The following CTNNA2 variants were observed in gnomAD, a reference collection of about 807,000 sequenced individuals.
CTNNA2 encodes the protein catenin alpha 2, also known as catenin alpha-2.
A neutral mutation model predicts 101.0 loss-of-function variants in CTNNA2; 42 were observed. The observed-to-expected ratio is 0.42, with a 90% CI of 0.32 to 0.54. The LOEUF (loss-of-function observed/expected upper bound fraction) is 0.54. Ranked by LOEUF, CTNNA2 falls within the 20% of genes least tolerant of loss-of-function variation. The pLI is 0.14. For synonymous variants in CTNNA2, 450 were observed against 456.4 expected (o/e 0.99, Z 0.18); for missense variants, 871 against 1,223.1 (o/e 0.71, Z 4.29).
At chr2:80,094,674 T>A (rs1700029390) in intron 7 of CTNNA2, among the ~76,000 whole-genome samples, 3 of 152,306 alleles carry the variant, frequency 2.0e-5, no homozygotes, top group Non-Finnish European at 2.9e-5. Context: ...TATCCTCTTT[T>A]ATTTCATTGA....
At chr2:80,605,966 G>A (rs996954171) in intron 16 of CTNNA2, among the ~76,000 whole-genome samples, 4 of 151,596 alleles carry the variant, frequency 2.6e-5, no homozygotes, top group African/African-American at 9.7e-5. Flanking sequence ...GGTTTTTTTT[G>A]ACAGACTTCC....
intron 6 of CTNNA2, among the ~76,000 whole-genome samples, chr2:79,892,567 A>T (rs1226543106): frequency 6.6e-6 from 1 of 152,210 alleles, no homozygotes; most frequent in Non-Finnish European, 1.5e-5. Flanking sequence ...GTCAGTGTAA[A>T]TAATAAAACA....
intron 7 of CTNNA2, among the ~76,000 whole-genome samples, chr2:80,249,844 A>C (rs1247888625): frequency 6.6e-6 from 1 of 152,184 alleles, no homozygotes; most frequent in Non-Finnish European, 1.5e-5. Flanking sequence ...AAAATTCTTC[A>C]TCATTATTAT....
intron 7 of CTNNA2, among the ~76,000 whole-genome samples, chr2:79,935,686 C>T (rs1298075742): frequency 6.6e-6 from 1 of 152,184 alleles, no homozygotes; most frequent in Non-Finnish European, 1.5e-5. Context: ...ATGCATAAAT[C>T]TAACTGGGGT....
At chr2:79,948,658 G>A (rs116395966) in intron 7 of CTNNA2, among the ~76,000 whole-genome samples, 1,794 of 152,314 alleles carry the variant, frequency 0.012, 35 homozygotes, top group African/African-American at 0.041. Context: ...AAATATTAAT[G>A]ACTGTTCAAC....
At chr2:79,947,207 A>G (rs1688558482) in intron 7 of CTNNA2, among the ~76,000 whole-genome samples, 1 of 152,214 alleles carries the variant, frequency 6.6e-6, no homozygotes, top group Non-Finnish European at 1.5e-5. Context: ...TATCAATTTC[A>G]GTGGAAAATC....
intron 7 of CTNNA2, among the ~76,000 whole-genome samples, chr2:80,241,005 A>G (rs902280336): frequency 3.3e-5 from 5 of 152,146 alleles, no homozygotes; most frequent in African/African-American, 9.7e-5. Flanking sequence ...CCTGAGTTCA[A>G]TTGACAAGGT....
intron 3 of CTNNA2, among the ~76,000 whole-genome samples, chr2:79,362,346 C>G (rs1677650078): frequency 6.6e-6 from 1 of 152,124 alleles, no homozygotes; most frequent in Non-Finnish European, 1.5e-5. Context: ...ATATATTCAT[C>G]ATGTACAACA....
intron 7 of CTNNA2, among the ~76,000 whole-genome samples, chr2:80,271,837 G>A (rs1247482423): frequency 6.6e-6 from 1 of 152,166 alleles, no homozygotes; most frequent in African/African-American, 2.4e-5. Context: ...ATATATCTGG[G>A]AGAAAATTCC....
At chr2:79,765,390 T>A (rs1398937459) in intron 3 of CTNNA2, among the ~76,000 whole-genome samples, 1 of 152,240 alleles carries the variant, frequency 6.6e-6, no homozygotes, top group African/African-American at 2.4e-5. Context: ...ATATTCCTTT[T>A]ACTTACAAAT....
intron 9 of CTNNA2, among the ~76,000 whole-genome samples, chr2:80,460,316 G>T (rs779239613): frequency 1.1e-4 from 17 of 151,960 alleles, no homozygotes; most frequent in Non-Finnish European, 2.2e-4. Context: ...GGTCTTTGGA[G>T]AATTATAGCA....
intron 7 of CTNNA2, among the ~76,000 whole-genome samples, chr2:80,234,564 A>G (rs563734533): frequency 1.6e-4 from 24 of 152,314 alleles, no homozygotes; most frequent in African/African-American, 4.6e-4. Context: ...GATTGATGCT[A>G]TCAAGAGTTT....
intron 7 of CTNNA2, among the ~76,000 whole-genome samples, chr2:80,088,569 AAATAT>A (rs1249258143): frequency 3.9e-5 from 6 of 152,130 alleles, no homozygotes; most frequent in African/African-American, 1.4e-4. Context: ...TATTGGGAAT[AAATAT>A]AATATACTTT....
intron 1 of CTNNA2, among the ~76,000 whole-genome samples, chr2:79,595,694 G>T (rs1409864864): frequency 6.6e-6 from 1 of 151,918 alleles, no homozygotes; most frequent in Non-Finnish European, 1.5e-5. Context: ...CCTTAATTTA[G>T]ACCTTCGTTT....
At chr2:80,360,829 C>G (rs753679775) in intron 7 of CTNNA2, among the ~76,000 whole-genome samples, 2 of 152,054 alleles carry the variant, frequency 1.3e-5, no homozygotes, top group Non-Finnish European at 2.9e-5. Context: ...GAGATCTATG[C>G]AGAACCTGGA....
intron 3 of CTNNA2, among the ~76,000 whole-genome samples, chr2:79,833,014 G>A (rs1011783287): frequency 3.3e-5 from 5 of 152,170 alleles, no homozygotes; most frequent in Non-Finnish European, 5.9e-5. Flanking sequence ...TTTAGGAAAG[G>A]TAAATTTGTA....
chr2:79,642,941 C>A (rs1680552657), intron 1 of CTNNA2, among the ~76,000 whole-genome samples: 1 of 151,916 alleles, frequency 6.6e-6, no homozygotes. Context: ...GCCTGTAATC[C>A]CAGCACTTGG....
intron 9 of CTNNA2, among the ~76,000 whole-genome samples, chr2:80,508,013 A>G (rs976439594): frequency 1.3e-5 from 2 of 152,190 alleles, no homozygotes; most frequent in African/African-American, 4.8e-5. Context: ...AGTCCTAGCA[A>G]TGAAGCCTTT....
At chr2:79,391,176 C>T (rs1472878065) in intron 4 of CTNNA2, among the ~76,000 whole-genome samples, 1 of 152,082 alleles carries the variant, frequency 6.6e-6, no homozygotes, top group African/African-American at 2.4e-5. Context: ...GAATGGATTA[C>T]AGTTGACCCT....
Sources: allele counts gnomAD v4.1 joint callset (sites outside exome capture counted in the v4.1 genomes callset), GRCh38; gene constraint gnomAD v4.1.1; transcripts MANE v1.5; gene names NCBI Gene and HGNC (gene_info 2026-07-23, HGNC 2026-07-21).